DLGAP2: variants seen among roughly 807,000 people sequenced by gnomAD.
The protein encoded by DLGAP2 is disks large-associated protein 2.
A neutral mutation model predicts 100.3 loss-of-function variants in DLGAP2; 26 were observed. The observed-to-expected ratio is 0.26, with a 90% confidence interval of 0.19 to 0.36. The LOEUF (loss-of-function observed/expected upper bound fraction) is 0.36. Ranked by LOEUF, DLGAP2 falls within the 10% of genes least tolerant of loss-of-function variation. The pLI is 1.00. For synonymous variants in DLGAP2, 886 were observed against 630.1 expected (o/e 1.41, Z -6.08); for missense variants, 1,858 against 1,453.2 (o/e 1.28, Z -4.53).
intron 1 of DLGAP2, among the ~76,000 whole-genome samples, chr8:754,823 A>G (rs1178509280): frequency 1.3e-5 from 2 of 152,078 alleles, no homozygotes; most frequent in Non-Finnish European, 2.9e-5. Flanking sequence ...TTGGTGACAG[A>G]GTGAGACCCT....
At chr8:1,387,972 C>T (rs1263932293) in intron 3 of DLGAP2, among the ~76,000 whole-genome samples, 2 of 152,218 alleles carry the variant, frequency 1.3e-5, no homozygotes, top group Non-Finnish European at 2.9e-5. Context: ...GTGGAGGTCC[C>T]CAGCGCGTGA....
intron 3 of DLGAP2, among the ~76,000 whole-genome samples, chr8:1,304,278 G>A (rs150550515): frequency 4.9e-4 from 74 of 152,304 alleles, no homozygotes; most frequent in Middle Eastern, 3.4e-3. Flanking sequence ...ACCGGCCACC[G>A]TGGCCCCACA....
intron 2 of DLGAP2, among the ~76,000 whole-genome samples, chr8:1,218,771 T>G (rs1292731227): frequency 1.3e-5 from 2 of 152,142 alleles, no homozygotes; most frequent in Non-Finnish European, 2.9e-5. Flanking sequence ...GCTTGGAATG[T>G]TTTTCCATTG....
intron 3 of DLGAP2, among the ~76,000 whole-genome samples, chr8:1,403,961 A>G (rs1319950692): frequency 2.3e-4 from 4 of 17,666 alleles, no homozygotes. Flanking sequence ...CCACCTCCTC[A>G]TCCTCCAGAG....
Position 961,259 on chromosome 8 carries a change from T to C in DLGAP2, c.73+53293T>C, listed in dbSNP as rs116380475. On this transcript the variant is annotated intron_variant, in intron 2 of 14. Coordinates refer to ENST00000637795, the MANE Select transcript of DLGAP2 (RefSeq NM_001346810.2). ...TGGCTTTGTAAAGTTCCTGATGTCT[T>C]ATTTTGACCCCTTCAGTCATTCCAG... is the stretch of plus-strand genomic sequence containing the variant. 1.8e-3 allele frequency among the ~76,000 whole-genome samples: 267 copies of C among 152,344 alleles called. 3 individuals carry two copies. The highest frequency in any genetic ancestry group is 6.3e-3 in the African/African-American group (263 of 41,588).
intron 2 of DLGAP2, among the ~76,000 whole-genome samples, chr8:987,196 C>T (rs1800512622): frequency 6.6e-6 from 1 of 152,110 alleles, no homozygotes; most frequent in Non-Finnish European, 1.5e-5. Flanking sequence ...GGTGTCTTTG[C>T]AGGAGTGCCA....
At chr8:807,723 C>T (rs1796295210) in intron 1 of DLGAP2, among the ~76,000 whole-genome samples, 1 of 152,134 alleles carries the variant, frequency 6.6e-6, no homozygotes, top group Admixed American at 6.5e-5. Flanking sequence ...ACTTATGTGT[C>T]CCTGTGTGTT....
chr8:826,161 C>T (rs1563051894), intron 1 of DLGAP2, among the ~76,000 whole-genome samples: 2 of 152,206 alleles, frequency 1.3e-5, no homozygotes, highest in Non-Finnish European at 2.9e-5. Context: ...GGATCTCATT[C>T]TTTTTTATGG....
chr8:838,511 T>A (rs1796923757), intron 1 of DLGAP2, among the ~76,000 whole-genome samples: 1 of 152,112 alleles, frequency 6.6e-6, no homozygotes, highest in Admixed American at 6.5e-5. Context: ...TCTTCAGGAA[T>A]TTCAATTAAT....
chr8:1,439,396 T>G (rs1797758584), intron 3 of DLGAP2, among the ~76,000 whole-genome samples: 1 of 152,136 alleles, frequency 6.6e-6, no homozygotes. Flanking sequence ...GTGTACCCTG[T>G]GCCCTCCGGA....
chr8:1,634,236 T>C (rs1303030351), intron 8 of DLGAP2, among the ~76,000 whole-genome samples: 1 of 152,236 alleles, frequency 6.6e-6, no homozygotes, highest in Non-Finnish European at 1.5e-5. Flanking sequence ...AATTTAAAGA[T>C]TATTTTTCAA....
In DLGAP2 at chr8:1,312,610, C is replaced by T. The variant is rs553071093; in HGVS notation, c.106+53727C>T. On this transcript the variant is annotated intron_variant, in intron 3 of 14. Coordinates refer to ENST00000637795, the MANE Select transcript of DLGAP2 (RefSeq NM_001346810.2). ...GACATGCAATGCATGTGCAGCGTTGCGAATGTATTTAATGACGCATAATTA... is the reference window on the plus strand; with the variant it reads ...GACATGCAATGCATGTGCAGCGTTGTGAATGTATTTAATGACGCATAATTA... 1.2e-4 allele frequency among the ~76,000 whole-genome samples: 18 copies of T among 152,100 alleles called. 1 individual carries two copies. The East Asian group carries it at 1.7e-3, about 15-fold the overall frequency.
chr8:1,101,585 C>A (rs908904829), intron 2 of DLGAP2, among the ~76,000 whole-genome samples: 1 of 152,032 alleles, frequency 6.6e-6, no homozygotes, highest in East Asian at 1.9e-4. Flanking sequence ...GGAAGAGTTC[C>A]GGAGATGGTG....
At chr8:803,169 G>T (rs1796204730) in intron 1 of DLGAP2, among the ~76,000 whole-genome samples, 1 of 151,980 alleles carries the variant, frequency 6.6e-6, no homozygotes. Context: ...TTTGGGCCTG[G>T]GTTCATCCCC....
At chr8:1,551,628 T>A (rs746807613) in intron 5 of DLGAP2, among the ~76,000 whole-genome samples, 1 of 151,962 alleles carries the variant, frequency 6.6e-6, no homozygotes, top group African/African-American at 2.4e-5. Flanking sequence ...TGAGACAGAA[T>A]GAACCCACAC....
chr8:1,272,780 G>T (rs113213522), intron 3 of DLGAP2, among the ~76,000 whole-genome samples: 4 of 152,062 alleles, frequency 2.6e-5, no homozygotes, highest in Non-Finnish European at 4.4e-5. Flanking sequence ...TGCAACAGAC[G>T]GCTCTCTAGA....
chr8:1,315,267 C>T (rs368111369), intron 3 of DLGAP2, among the ~76,000 whole-genome samples: 14 of 151,324 alleles, frequency 9.3e-5, no homozygotes, highest in South Asian at 4.2e-4. Context: ...TCGAGAAACT[C>T]GGCAGCGTTT....
chr8:994,158 G>C (rs1285781192), intron 2 of DLGAP2, among the ~76,000 whole-genome samples: 2 of 152,110 alleles, frequency 1.3e-5, no homozygotes, highest in Non-Finnish European at 2.9e-5. Context: ...GTTTTGCGAA[G>C]TAGATAGAAA....
chr8:1,695,211 C>G (rs559425827), intron 13 of DLGAP2, among the ~76,000 whole-genome samples: 90 of 152,298 alleles, frequency 5.9e-4, no homozygotes, highest in African/African-American at 2.1e-3. Flanking sequence ...GTGCCCGGCC[C>G]TACAGAAAGA....
Sources: allele counts gnomAD v4.1 joint callset (sites outside exome capture counted in the v4.1 genomes callset), GRCh38; gene constraint gnomAD v4.1.1; transcripts MANE v1.5; gene names NCBI Gene and HGNC (gene_info 2026-07-23, HGNC 2026-07-21).